Variants in PACSIN2 observed in about 807,000 individuals in gnomAD.
PACSIN2 encodes the protein protein kinase C and casein kinase substrate in neurons 2.
In PACSIN2, 25 loss-of-function variants were observed where a neutral mutation model predicts 63.8. The observed-to-expected ratio is 0.39, with a 90% CI of 0.29 to 0.55. The LOEUF is 0.55. Among genes scored for constraint, PACSIN2 ranks in the 20% least tolerant of loss-of-function variants. The pLI is 0.62. For missense variants in PACSIN2, 518 were observed against 646.9 expected (o/e 0.80, Z 2.16); for synonymous variants, 255 against 256.2 (o/e 1.00, Z 0.05).
intron 5 of PACSIN2, 114 bp from the exon 6 acceptor site, chr22:42,884,675 A>G: frequency 1.3e-6 from 1 of 749,642 alleles, no homozygotes; most frequent in Non-Finnish European, 2.2e-6. Context: ...AAAAAACAGG[A>G]GCTCTGGATT....
chr22:42,995,736 T>C (rs904444652), intron 1 of PACSIN2, among the ~76,000 whole-genome samples: 1 of 152,140 alleles, frequency 6.6e-6, no homozygotes, highest in Non-Finnish European at 1.5e-5. Context: ...ATTCCACCCA[T>C]GTTTTCCTCC....
At chr22:42,966,407 A>C (rs1017957815) in intron 1 of PACSIN2, among the ~76,000 whole-genome samples, 13 of 152,066 alleles carry the variant, frequency 8.5e-5, no homozygotes, top group Non-Finnish European at 1.5e-4. Flanking sequence ...CAACACGTGT[A>C]CATAAAAAGG....
rs59640475 is a variant in PACSIN2, at chr22:42,881,516, C to T, written c.906+668G>A. Reference sequence around the variant, plus strand: ...TCAGCATCCCTGCTGGGGCAGCTGACGCCACGTGCTTAAGCCTCAGGGGCA... The same window carrying T: ...TCAGCATCCCTGCTGGGGCAGCTGATGCCACGTGCTTAAGCCTCAGGGGCA... On this transcript the variant is annotated intron_variant, in intron 7 of 10. Coordinates refer to ENST00000263246, the MANE Select transcript of PACSIN2 (RefSeq NM_001184970.3). Among the ~76,000 whole-genome samples the T allele has an allele frequency of 9.9e-4, 151 of 152,312 alleles. 3 individuals are homozygous for T. In the East Asian group the frequency reaches 0.026, roughly 26 times the overall value.
intron 2 of PACSIN2, among the ~76,000 whole-genome samples, chr22:42,895,208 C>CG (rs1930193720): frequency 6.6e-6 from 1 of 152,194 alleles, no homozygotes; most frequent in Non-Finnish European, 1.5e-5. Flanking sequence ...GTGAGGAAGT[C>CG]GGAAGTGAGC....
In PACSIN2 at chr22:42,893,463, C is replaced by CCA; in HGVS notation, c.209_210dup (p.Glu71TrpfsTer24). 1 of 1,612,538 alleles carries CCA rather than the reference C, an allele frequency of 6.2e-7. No homozygotes were observed. The highest frequency in any genetic ancestry group is 8.5e-7 in the Non-Finnish European group (1 of 1,179,984). ...CTGTGCCGGGGCCCCATACCTTTCT[C>CCA]CACGAGCTGCCTCCAGCGCCGGGCC... On this transcript the variant is annotated frameshift_variant, in exon 3 of 11. Transcript: ENST00000263246. LOFTEE classifies it high-confidence loss of function.
chr22:42,955,101 A>T (rs1306934754), intron 1 of PACSIN2, among the ~76,000 whole-genome samples: 2 of 152,120 alleles, frequency 1.3e-5, no homozygotes, highest in Non-Finnish European at 2.9e-5. Flanking sequence ...TTCATGGCAG[A>T]ATAAGGTCCC....
chr22:42,925,832 G>A (rs1165619092), intron 1 of PACSIN2, among the ~76,000 whole-genome samples: 5 of 152,166 alleles, frequency 3.3e-5, no homozygotes, highest in African/African-American at 9.7e-5. Context: ...CCTCACGGGA[G>A]GCCCTCCTGC....
intron 2 of PACSIN2, among the ~76,000 whole-genome samples, chr22:42,910,436 T>C (rs1931372662): frequency 6.6e-6 from 1 of 152,160 alleles, no homozygotes; most frequent in Admixed American, 6.6e-5. Context: ...CCTGCACTAA[T>C]GAGGCCACAG....
At chr22:42,899,104 C>A (rs1228047591) in intron 2 of PACSIN2, among the ~76,000 whole-genome samples, 1 of 152,158 alleles carries the variant, frequency 6.6e-6, no homozygotes, top group Non-Finnish European at 1.5e-5. Flanking sequence ...CCTTCAGACT[C>A]TGGGCCCTAA....
Position 42,941,763 on chromosome 22 carries a change from TTTTTG to T in PACSIN2, c.-77-29611_-77-29607del, listed in dbSNP as rs149528156. On this transcript the variant is annotated intron_variant, in intron 1 of 10. Coordinates refer to ENST00000263246, the MANE Select transcript of PACSIN2 (RefSeq NM_001184970.3). ...TGTCTTCTTATTGCTGAGTTTGGGG[TTTTTG>T]TTTTGTTTTGTTTTGTTTGAGACAG... Among the ~76,000 whole-genome samples, 646 of 152,000 alleles carry T rather than the reference TTTTTG, an allele frequency of 4.3e-3. 3 individuals carry two copies. The highest frequency in any genetic ancestry group is 0.015 in the African/African-American group (608 of 41,424).
At chr22:42,874,321 AT>A (rs1409418230) in intron 10 of PACSIN2, among the ~76,000 whole-genome samples, 3 of 83,044 alleles carry the variant, frequency 3.6e-5, no homozygotes, top group African/African-American at 1.7e-4. Flanking sequence ...CCGTGTCTCT[AT>A]TAAAAAAAAA....
At position 42,999,883 on chromosome 22, in the gene PACSIN2, C is replaced by T. The variant is rs1923657028; in HGVS notation, c.-78+15138G>A. Among the ~76,000 whole-genome samples the T allele has an allele frequency of 3.9e-5, 6 of 152,200 alleles. No individual in the cohort carries two copies. The South Asian group carries it at 1.0e-3, about 26-fold the overall frequency. ...AACTGTAAAGTGGGAATCAAAGAGT[C>T]CCAAGGCAAGATGGTTGGCAGGCTC... On this transcript the variant is annotated intron_variant, in intron 1 of 10. Transcript: ENST00000263246.
At position 43,014,786 on chromosome 22, in the gene PACSIN2, C is replaced by T. The variant is rs567536977; in HGVS notation, c.-78+235G>A. 6.6e-5 allele frequency among the ~76,000 whole-genome samples: 10 copies of T among 151,776 alleles called. No individual in the cohort carries two copies. In the East Asian group the frequency reaches 2.0e-3, roughly 30 times the overall value. On this transcript the variant is annotated intron_variant, in intron 1 of 10. Transcript: ENST00000263246. ...CCCCGCCCCTTCCCCGAGCCGACCC[C>T]ACTCGCCCTCGTCCTCCCCAAGATG...
intron 1 of PACSIN2, among the ~76,000 whole-genome samples, chr22:42,956,762 C>T (rs1933933374): frequency 6.6e-6 from 1 of 152,054 alleles, no homozygotes; most frequent in Admixed American, 6.6e-5. Flanking sequence ...CAGGGGGCTG[C>T]CGTTTAACCC....
intron 1 of PACSIN2, among the ~76,000 whole-genome samples, chr22:42,995,083 G>A (rs577734204): frequency 1.3e-5 from 2 of 152,298 alleles, no homozygotes; most frequent in South Asian, 4.1e-4. Flanking sequence ...CCCCCTCCCC[G>A]CCTCGGGGCT....
At chr22:42,911,674 G>A (rs149653088) in intron 2 of PACSIN2, among the ~76,000 whole-genome samples, 97 of 152,252 alleles carry the variant, frequency 6.4e-4, no homozygotes, top group Middle Eastern at 3.4e-3. Flanking sequence ...AAAGTGCCTC[G>A]TAGGATAAGC....
chr22:42,957,737 A>G (rs1933973198), intron 1 of PACSIN2, among the ~76,000 whole-genome samples: 3 of 152,164 alleles, frequency 2.0e-5, no homozygotes, highest in Admixed American at 2.0e-4. Context: ...CAGAAATGCT[A>G]AAGGTTTGGG....
At chr22:42,946,264 T>G (rs1933415678) in intron 1 of PACSIN2, among the ~76,000 whole-genome samples, 1 of 152,230 alleles carries the variant, frequency 6.6e-6, no homozygotes, top group African/African-American at 2.4e-5. Flanking sequence ...TCCAGAAGTA[T>G]GGGTACCCCA....
intron 1 of PACSIN2, among the ~76,000 whole-genome samples, chr22:43,001,909 C>G (rs541615689): frequency 6.6e-6 from 1 of 152,262 alleles, no homozygotes; most frequent in East Asian, 1.9e-4. Context: ...CTGCTAAGCA[C>G]CTTGTCCTTT....
Sources: allele counts gnomAD v4.1 joint callset (sites outside exome capture counted in the v4.1 genomes callset), GRCh38; gene constraint gnomAD v4.1.1; transcripts MANE v1.5; gene names NCBI Gene and HGNC (gene_info 2026-07-23, HGNC 2026-07-21).